PPP4R4: variants seen among roughly 807,000 people sequenced by gnomAD.
PPP4R4 encodes protein phosphatase 4 regulatory subunit 4, also known as serine/threonine-protein phosphatase 4 regulatory subunit 4.
Under a neutral mutation model 121.8 loss-of-function variants are expected in PPP4R4, and 70 were observed. The ratio of observed to expected loss-of-function variants is 0.57; its 90% CI spans 0.47 to 0.70. The LOEUF is 0.70. Among genes scored for constraint, PPP4R4 ranks in the 30% least tolerant of loss-of-function variants. The probability of loss-of-function intolerance (pLI) is 0.00; values close to 1 mark genes in which losing one functional copy is unlikely to be tolerated. For synonymous variants in PPP4R4, 348 were observed against 355.7 expected (o/e 0.98, Z 0.24); for missense variants, 875 against 1,033.6 (o/e 0.85, Z 2.10).
chr14:94,234,437 TA>T (rs1403417183), intron 6 of PPP4R4, 124 bp from the exon 7 acceptor site: 18 of 633,914 alleles, frequency 2.8e-5, no homozygotes, highest in Non-Finnish European at 4.3e-5. Context: ...TGTAAACTAT[TA>T]TTTTTTTTCT....
At chr14:94,208,669 T>A in intron 3 of PPP4R4, 103 bp downstream of exon 3, 3 of 785,950 alleles carry the variant, frequency 3.8e-6, no homozygotes, top group East Asian at 2.8e-5. Context: ...CTTTTGCACC[T>A]AAAAATTGAG....
chr14:94,227,824 A>T, intron 3 of PPP4R4: 1 of 986,824 alleles, frequency 1.0e-6, no homozygotes, highest in East Asian at 1.1e-4. Flanking sequence ...TCTGTTTCTA[A>T]ATAAAAGCTG....
rs572340084 is a variant in PPP4R4, at chr14:94,193,339, T to C, written c.192-15125T>C. Among the ~76,000 whole-genome samples the C allele has an allele frequency of 3.3e-5, 5 of 152,220 alleles. No homozygotes were observed. In the South Asian group the frequency reaches 1.0e-3, roughly 32 times the overall value. ...TGTAGTATAGTGGTTGGTATGAGTT[T>C]TGGAGTAGTACAGGCTGCATAACTT... On this transcript the variant is annotated intron_variant, in intron 2 of 24. Transcript: ENST00000304338.
At chr14:94,237,186 A>G (rs962149494) in intron 7 of PPP4R4, among the ~76,000 whole-genome samples, 1 of 152,150 alleles carries the variant, frequency 6.6e-6, no homozygotes, top group Non-Finnish European at 1.5e-5. Context: ...CTAGATAGAA[A>G]TATATTATTT....
chr14:94,210,808 C>T (rs1956171), intron 3 of PPP4R4, among the ~76,000 whole-genome samples: 53,886 of 151,918 alleles, frequency 0.35, 10,918 homozygotes, highest in East Asian at 0.62. Flanking sequence ...TGACTTTTAT[C>T]GATAGTCTAA....
At chr14:94,237,483 C>A in intron 7 of PPP4R4, 82 bp from the exon 8 acceptor site, 1 of 1,325,922 alleles carries the variant, frequency 7.5e-7, no homozygotes, top group Non-Finnish European at 1.1e-6. Flanking sequence ...TCTGCAGCAA[C>A]TAGCCCAGTC....
chr14:94,236,867 T>C, intron 7 of PPP4R4, among the ~76,000 whole-genome samples: 1 of 152,176 alleles, frequency 6.6e-6, no homozygotes, highest in Admixed American at 6.5e-5. Context: ...TATCAACATC[T>C]TATGTCAATT....
chr14:94,210,259 C>T (rs1398087620), intron 3 of PPP4R4, among the ~76,000 whole-genome samples: 1 of 149,948 alleles, frequency 6.7e-6, no homozygotes, highest in Non-Finnish European at 1.5e-5. Context: ...TACAAAGAAT[C>T]AAAGTGTATA....
chr14:94,184,561 C>T lies in PPP4R4; in HGVS notation c.191+8434C>T, dbSNP rs566885618. On this transcript the variant is annotated intron_variant, in intron 2 of 24. Coordinates refer to ENST00000304338, the MANE Select transcript of PPP4R4 (RefSeq NM_058237.2). Reference sequence around the variant, plus strand: ...GGTATGAGTCACCAGGCCTGTCTTCCTTCTTAAAATTAAGATTGCATGAAG... The same window carrying T: ...GGTATGAGTCACCAGGCCTGTCTTCTTTCTTAAAATTAAGATTGCATGAAG... Among the ~76,000 whole-genome samples the T allele has an allele frequency of 2.6e-5, 4 of 152,244 alleles. No individual in the cohort carries two copies. The East Asian group carries it at 5.8e-4, about 22-fold the overall frequency.
At chr14:94,208,201 T>C (rs1459795007) in intron 2 of PPP4R4, among the ~76,000 whole-genome samples, 5 of 152,068 alleles carry the variant, frequency 3.3e-5, no homozygotes, top group Non-Finnish European at 7.4e-5. Flanking sequence ...CTTTTAGACT[T>C]AAGACATATA....
Position 94,223,710 on chromosome 14 carries a change from A to C in PPP4R4, c.295-6877A>C, listed in dbSNP as rs549900640. Among the ~76,000 whole-genome samples the C allele has an allele frequency of 3.3e-5, 5 of 152,362 alleles. No individual in the cohort carries two copies. The South Asian group carries it at 1.0e-3, about 32-fold the overall frequency. ...TTTTATGTTTTGTTCAGCTTTAAAA[A>C]TTATCCTTGCCAAGAGGGTTGATTA... On this transcript the variant is annotated intron_variant, in intron 3 of 24. Coordinates refer to ENST00000304338, the MANE Select transcript of PPP4R4 (RefSeq NM_058237.2).
chr14:94,239,721 C>G (rs1892528591), intron 8 of PPP4R4, among the ~76,000 whole-genome samples: 1 of 152,038 alleles, frequency 6.6e-6, no homozygotes, highest in Admixed American at 6.6e-5. Context: ...CCTGCAAAGC[C>G]TAGAATATTT....
At chr14:94,179,858 G>T (rs1220402544) in intron 2 of PPP4R4, among the ~76,000 whole-genome samples, 1 of 152,168 alleles carries the variant, frequency 6.6e-6, no homozygotes, top group Non-Finnish European at 1.5e-5. Context: ...TCTTGTTGTT[G>T]TTCTTTCTTG....
chr14:94,228,079 A>C (rs750571419), intron 3 of PPP4R4, among the ~76,000 whole-genome samples: 83 of 152,290 alleles, frequency 5.5e-4, no homozygotes, highest in African/African-American at 1.8e-3. Context: ...AAAAACATGT[A>C]AAATAATGTT....
chr14:94,249,308 A>G (rs1181840988), intron 14 of PPP4R4, among the ~76,000 whole-genome samples: 1 of 151,932 alleles, frequency 6.6e-6, no homozygotes, highest in Non-Finnish European at 1.5e-5. Flanking sequence ...CATTCAACAG[A>G]TTAAAAACCC....
intron 2 of PPP4R4, among the ~76,000 whole-genome samples, chr14:94,178,985 A>G (rs1451605172): frequency 6.6e-6 from 1 of 152,188 alleles, no homozygotes; most frequent in African/African-American, 2.4e-5. Context: ...GAAGGCTGGC[A>G]TTCAGAATAC....
At chr14:94,231,428 T>C (rs1288355926) in intron 5 of PPP4R4, 113 bp downstream of exon 5, 1 of 786,966 alleles carries the variant, frequency 1.3e-6, no homozygotes, top group Admixed American at 2.6e-5. Context: ...TCATTTTGAA[T>C]GTAACACGTG....
chr14:94,250,355 T>G, intron 15 of PPP4R4, 78 bp downstream of exon 15: 1 of 929,516 alleles, frequency 1.1e-6, no homozygotes, highest in Non-Finnish European at 1.7e-6. Context: ...AACTTATGTA[T>G]CATTTTGCTG....
In PPP4R4 at chr14:94,216,458, A is replaced by T. The variant is rs142564315; in HGVS notation, c.294+7892A>T. 1.5e-3 allele frequency among the ~76,000 whole-genome samples: 226 copies of T among 152,354 alleles called. 1 individual carries two copies. Among genetic ancestry groups the T allele is most frequent in the African/African-American group, 5.2e-3 (218 of 41,578 alleles). Reference sequence around the variant, plus strand: ...TTAAAGGGTGAATGTGCACTCGCACAGTTTATGTGTTTAGGATAACTTGTA... The same window carrying T: ...TTAAAGGGTGAATGTGCACTCGCACTGTTTATGTGTTTAGGATAACTTGTA... On this transcript the variant is annotated intron_variant, in intron 3 of 24. Transcript: ENST00000304338.
Sources: gnomAD v4.1 joint callset for allele counts (sites outside exome capture counted in the v4.1 genomes callset) on GRCh38, gnomAD v4.1.1 for gene constraint, MANE v1.5 for transcripts, NCBI Gene and HGNC (gene_info 2026-07-23, HGNC 2026-07-21) for gene names.